The following KMT2A variants were observed in gnomAD, a reference collection of about 807,000 sequenced individuals.
KMT2A encodes the protein lysine methyltransferase 2A.
In KMT2A, 16 loss-of-function variants were observed where a neutral mutation model predicts 345.3. That is an observed-to-expected ratio of 0.05 (90% CI 0.03 to 0.07). KMT2A has a LOEUF of 0.07. Among genes scored for constraint, KMT2A ranks in the 10% least tolerant of loss-of-function variants. The pLI, the probability that KMT2A is intolerant of heterozygous loss-of-function variation, is 1.00. For synonymous variants in KMT2A, 1,599 were observed against 1,778.6 expected, an observed-to-expected ratio of 0.90 and a Z score of 2.54; for missense variants, 3,272 against 4,841.6, an observed-to-expected ratio of 0.68 and a Z score of 9.62.
chr11:118,490,137 C>G lies in KMT2A; in HGVS notation c.4584C>G (p.Thr1528=), dbSNP rs1565292954. The G allele has an allele frequency of 1.2e-6, 2 of 1,610,422 alleles. No homozygotes were observed. The highest frequency in any genetic ancestry group is 1.7e-6 in the Non-Finnish European group (2 of 1,179,076). ...PTKKKKVWIC[T]KCVRCKSCGS... Reference sequence around the variant, plus strand: ...CTTTTCTTCTTTTCTAGATCTGTACCAAGTGTGTTCGCTGTAAGAGCTGTG... The same window carrying G: ...CTTTTCTTCTTTTCTAGATCTGTACGAAGTGTGTTCGCTGTAAGAGCTGTG... The change falls in exon 13 of 36, where the codon ACC becomes ACG. Residue 1528 remains threonine, a synonymous_variant. Coordinates refer to ENST00000534358, the MANE Select transcript of KMT2A (RefSeq NM_001197104.2). This position sits in a 1 kb window ranked among gnomAD's most constrained non-coding sequence, Gnocchi z 4.2.
At chr11:118,454,410 G>C (rs1949601200) in intron 1 of KMT2A, among the ~76,000 whole-genome samples, 1 of 152,160 alleles carries the variant, frequency 6.6e-6, no homozygotes, top group African/African-American at 2.4e-5. Flanking sequence ...CTTTGCACTT[G>C]CTCTCAGGCT....
At chr11:118,512,796 G>GT (rs1366268318) in intron 31 of KMT2A, among the ~76,000 whole-genome samples, 12 of 146,134 alleles carry the variant, frequency 8.2e-5, no homozygotes, top group Non-Finnish European at 1.7e-4. Context: ...ACACTTACCT[G>GT]TTTTTTGTTT....
chr11:118,526,777 C>CT lies in KMT2A; in HGVS notation c.*4613dup, dbSNP rs1176366797. Reference sequence around the variant, plus strand: ...TTTAAACATGTTTATTTTCTATGCACTTTTTTTTATTTAAGTGATAGTTTA... The same window carrying CT: ...TTTAAACATGTTTATTTTCTATGCACTTTTTTTTTATTTAAGTGATAGTTTA... On this transcript the variant is annotated 3_prime_UTR_variant, in exon 36 of 36. Coordinates refer to ENST00000534358, the MANE Select transcript of KMT2A (RefSeq NM_001197104.2). 8 of 224,826 alleles carry CT rather than the reference C, an allele frequency of 3.6e-5. No homozygotes were observed. Among genetic ancestry groups the CT allele is most frequent in the Non-Finnish European group, 4.4e-5 (5 of 113,174 alleles). The allele number at this position is 224,826 out of a possible 1,614,324, so 13.9% of individuals were successfully genotyped here. A position where few individuals can be genotyped will look rare whatever the true frequency, so the allele number is the denominator to read the frequency against.
At position 118,496,200 on chromosome 11, in the gene KMT2A, C is replaced by A; in HGVS notation, c.5558-61C>A. 1 of 1,184,106 alleles carries A rather than the reference C, an allele frequency of 8.4e-7. No individual in the cohort carries two copies. Among genetic ancestry groups the A allele is most frequent in the Non-Finnish European group, 1.3e-6 (1 of 790,782 alleles). 73.3% of individuals were successfully genotyped at this position (1,184,106 alleles called of 1,614,324 possible). A position where few individuals can be genotyped will look rare whatever the true frequency, so the allele number is the denominator to read the frequency against. ...TATTTCTTTTTTCCTTGAAATCAGA[C>A]ATAGTATTGCCAATTTTAACTGGAT... On this transcript the variant is annotated intron_variant, in intron 19 of 35. Transcript: ENST00000534358. This position sits in a 1 kb window ranked among gnomAD's most constrained non-coding sequence, Gnocchi z 4.7.
In KMT2A at chr11:118,505,853, A is replaced by G. The variant is rs148598896; in HGVS notation, c.9961A>G (p.Thr3321Ala). The G allele has an allele frequency of 6.2e-6, 10 of 1,614,098 alleles. No individual in the cohort carries two copies. The African/African-American group carries it at 1.1e-4, about 17-fold the overall frequency. Residue 3321 changes from threonine to alanine, a missense_variant, in exon 27 of 36, where the codon ACA becomes GCA. Transcript: ENST00000534358. This position sits in a 1 kb window ranked among gnomAD's most constrained non-coding sequence, Gnocchi z 4.6. ...GTAATAAGTS[T>A]ISQDTSHLTS... ...TGCTGCCACAGCGGCAGGCACATCA[A>G]CAATAAGCCAGGATACTAGCCACCT...
intron 4 of KMT2A, 22 bp from the exon 5 acceptor site, chr11:118,477,945 T>C (rs1236380279): frequency 1.3e-5 from 20 of 1,599,130 alleles, no homozygotes; most frequent in Non-Finnish European, 1.7e-5. Flanking sequence ...CCCTTGGAAC[T>C]AATGCCACAT....
chr11:118,519,901 C>T, intron 32 of KMT2A, 56 bp from the exon 33 acceptor site: 1 of 1,561,106 alleles, frequency 6.4e-7, no homozygotes, highest in Non-Finnish European at 8.8e-7. Flanking sequence ...ATGCCATCAT[C>T]CTTTACTGCT....
Position 118,519,714 on chromosome 11 carries a change from T to C in KMT2A, c.11243T>C (p.Phe3748Ser). ...GCCAAGCACTGTCGAAATTACAAAT[T>C]CCGTTTCCACAAGCCAGAGGAGGCC... ...SGAKHCRNYK[F>S]RFHKPEEANE... The change falls in exon 32 of 36, where the codon TTC becomes TCC. Residue 3748 changes from phenylalanine (F) to serine (S), a missense_variant. By Grantham distance (155) the Phe-to-Ser change is radical (BLOSUM62 -2). Transcript: ENST00000534358. 1 of 1,614,146 alleles carries C rather than the reference T, an allele frequency of 6.2e-7. No individual in the cohort carries two copies. The highest frequency in any genetic ancestry group is 1.1e-5 in the South Asian group (1 of 91,076).
At chr11:118,462,442 ATTAT>A in intron 1 of KMT2A, among the ~76,000 whole-genome samples, 1 of 152,306 alleles carries the variant, frequency 6.6e-6, no homozygotes, top group Admixed American at 6.5e-5. Flanking sequence ...AGCTGTCCGG[ATTAT>A]TTAAACAATG....
Position 118,503,095 on chromosome 11 carries a change from A to G in KMT2A, c.7203A>G (p.Glu2401=). 2 of 1,613,226 alleles carry G rather than the reference A, an allele frequency of 1.2e-6. No homozygotes were observed. The highest frequency in any genetic ancestry group is 1.1e-5 in the South Asian group (1 of 91,064). Residue 2401 remains glutamate (E), a synonymous_variant, in exon 27 of 36, where the codon GAA becomes GAG. Transcript: ENST00000534358. The surrounding 1 kb of genome is among the most constrained non-coding windows in gnomAD (Gnocchi z 5.3). ...ACTCCTCTCCAGATGAAGATACTGA[A>G]GTCAAAACCTTGAAGCTATCTGGAA... ...SANSSPDEDT[E]VKTLKLSGMS...
At position 118,488,761 on chromosome 11, in the gene KMT2A, G is replaced by A. The variant is rs1555041647; in HGVS notation, c.4479+1G>A. The A allele has an allele frequency of 1.2e-6, 2 of 1,613,892 alleles. No homozygotes were observed. The highest frequency in any genetic ancestry group is 2.2e-5 in the South Asian group (2 of 90,992). On this transcript the variant is annotated splice_donor_variant, in intron 11 of 35. Transcript: ENST00000534358. LOFTEE classifies it high-confidence loss of function. ...TGGAAGGCAACATCAGGCTACAAAG[G>A]TACAAAACTTGGTAATAGAACTACA...
At chr11:118,477,531 G>A (rs1279919825) in intron 4 of KMT2A, among the ~76,000 whole-genome samples, 14 of 73,420 alleles carry the variant, frequency 1.9e-4, no homozygotes, top group East Asian at 1.8e-3. Context: ...TTTTTGAGAC[G>A]GAGCCTCATT....
Position 118,485,088 on chromosome 11 carries a change from C to T in KMT2A, c.4332+113C>T, listed in dbSNP as rs1434188478. ...TAGCAGGTACTATTCCCTGTTTAAA[C>T]CAGCTAAAGAAATGTTTTGAAGTAT... On this transcript the variant is annotated intron_variant, in intron 10 of 35. Coordinates refer to ENST00000534358, the MANE Select transcript of KMT2A (RefSeq NM_001197104.2). The T allele has an allele frequency of 5.7e-6, 4 of 702,646 alleles. No homozygotes were observed. The East Asian group carries it at 8.2e-5, about 14-fold the overall frequency. 43.5% of individuals were successfully genotyped at this position (702,646 alleles called of 1,614,324 possible). A position where few individuals can be genotyped will look rare whatever the true frequency, so the allele number is the denominator to read the frequency against.
rs200088623 is a variant in KMT2A, at chr11:118,521,243, T to G, written c.11514-45T>G. ...ATTCATGTATTCACGCACTTAACCT[T>G]ACTTGCAAAATTTGTGTCTGACCTC... On this transcript the variant is annotated intron_variant, in intron 34 of 35. Coordinates refer to ENST00000534358, the MANE Select transcript of KMT2A (RefSeq NM_001197104.2). The surrounding 1 kb of genome is among the most constrained non-coding windows in gnomAD (Gnocchi z 5.3). 27 of 1,607,166 alleles carry G rather than the reference T, an allele frequency of 1.7e-5. No homozygotes were observed. Among genetic ancestry groups the G allele is most frequent in the Admixed American group, 3.3e-5 (2 of 59,780 alleles).
At position 118,480,157 on chromosome 11, in the gene KMT2A, A is replaced by T; in HGVS notation, c.3570-17A>T. 1 of 1,601,494 alleles carries T rather than the reference A, an allele frequency of 6.2e-7. No homozygotes were observed. Among genetic ancestry groups the T allele is most frequent in the South Asian group, 1.1e-5 (1 of 90,720 alleles). On this transcript the variant is annotated splice_polypyrimidine_tract_variant and intron_variant, in intron 5 of 35. Transcript: ENST00000534358. ...CTAAATTTAATTTGTTTCATGGTTT[A>T]TTCGTTGTTTTCCTAGGATGAGAAA...
intron 1 of KMT2A, among the ~76,000 whole-genome samples, chr11:118,455,045 A>G (rs1352461267): frequency 1.3e-5 from 2 of 151,942 alleles, no homozygotes; most frequent in Non-Finnish European, 2.9e-5. Flanking sequence ...TTTTCTTCTT[A>G]GAGACAGGGT....
rs1950514808 is a variant in KMT2A at position 118,502,456 on chromosome 11, T to C, written c.6564T>C (p.Ser2188=). The change falls in exon 27 of 36, where the codon TCT becomes TCC. Residue 2188 remains serine (S), a synonymous_variant. Transcript: ENST00000534358. This position sits in a 1 kb window ranked among gnomAD's most constrained non-coding sequence, Gnocchi z 4.9. ...IVTVGDPLLS[S]GLRSIGSRRH... is the part of the protein sequence containing the mutation. ...CAGTAGGTGATCCTTTACTCTCCTC[T>C]GGACTTCGAAGCATTGGCTCCAGGC... is the stretch of plus-strand genomic sequence containing the variant. 6.2e-7 allele frequency: 1 copy of C among 1,613,894 alleles called. No homozygotes were observed. Among genetic ancestry groups the C allele is most frequent in the Non-Finnish European group, 8.5e-7 (1 of 1,179,934 alleles).
rs1950987776 is a variant in KMT2A, at chr11:118,522,312, G to A, written c.*140G>A. 1.4e-6 allele frequency: 1 copy of A among 727,278 alleles called. No individual in the cohort carries two copies. Among genetic ancestry groups the A allele is most frequent in the East Asian group, 2.7e-5 (1 of 37,586 alleles). The allele number at this position is 727,278 out of a possible 1,614,324, so 45.1% of individuals were successfully genotyped here. A position where few individuals can be genotyped will look rare whatever the true frequency, so the allele number is the denominator to read the frequency against. The stretch of plus-strand genomic sequence containing the variant: ...CTCTGTGATGGCTGAGCTCTCTTAT[G>A]TCCTATACTCACATCAGACATGTGA... On this transcript the variant is annotated 3_prime_UTR_variant, in exon 36 of 36. Coordinates refer to ENST00000534358, the MANE Select transcript of KMT2A (RefSeq NM_001197104.2). This position sits in a 1 kb window ranked among gnomAD's most constrained non-coding sequence, Gnocchi z 5.4.
At position 118,505,486 on chromosome 11, in the gene KMT2A, A is replaced by T. The variant is rs1555047805; in HGVS notation, c.9594A>T (p.Gln3198His). 1 of 1,614,064 alleles carries T rather than the reference A, an allele frequency of 6.2e-7. No individual in the cohort carries two copies. Among genetic ancestry groups the T allele is most frequent in the Admixed American group, 1.7e-5 (1 of 60,012 alleles). Residue 3198 changes from glutamine to histidine, a missense_variant, in exon 27 of 36, where the codon CAA (glutamine) becomes CAT (histidine). Coordinates refer to ENST00000534358, the MANE Select transcript of KMT2A (RefSeq NM_001197104.2). This position sits in a 1 kb window ranked among gnomAD's most constrained non-coding sequence, Gnocchi z 4.6. ...GGGTTCAGCCTCCTCCGGATCCCCAACTTTTGGTTTCAGAATCCAGCCAGA... is the reference window on the plus strand; with the variant it reads ...GGGTTCAGCCTCCTCCGGATCCCCATCTTTTGGTTTCAGAATCCAGCCAGA... Reference protein sequence around the residue: ...LIGVQPPPDPQLLVSESSQRT... With the variant: ...LIGVQPPPDPHLLVSESSQRT...
Sources: gnomAD v4.1 joint callset for allele counts (sites outside exome capture counted in the v4.1 genomes callset) on GRCh38, gnomAD v4.1.1 for gene constraint, Gnocchi (gnomAD v3.1) non-coding constraint, MANE v1.5 for transcripts, NCBI Gene and HGNC (gene_info 2026-07-23, HGNC 2026-07-21) for gene names.